The following ELL variants were observed in gnomAD, a reference collection of about 807,000 sequenced individuals.
ELL encodes the protein RNA polymerase II elongation factor ELL.
Under a neutral mutation model 64.0 loss-of-function variants are expected in ELL, and 18 were observed. That is an observed-to-expected ratio of 0.28 (90% CI 0.19 to 0.42). The LOEUF (loss-of-function observed/expected upper bound fraction) is 0.42, where lower values mean the gene tolerates loss of function less well. Among genes scored for constraint, ELL ranks in the 10% least tolerant of loss-of-function variants. The pLI, the probability that ELL is intolerant of heterozygous loss-of-function variation, is 1.00. For synonymous variants in ELL, 399 were observed against 376.2 expected, an observed-to-expected ratio of 1.06 and a Z score of -0.70; for missense variants, 797 against 870.4, an observed-to-expected ratio of 0.92 and a Z score of 1.06.
At chr19:18,465,596 C>CTGGG in intron 3 of ELL, 21 bp from the exon 4 acceptor site, 1 of 1,567,568 alleles carries the variant, frequency 6.4e-7, no homozygotes, top group South Asian at 1.2e-5. Context: ...AGGCCAGGAG[C>CTGGG]TGGGGTCAGC....
intron 10 of ELL, 150 bp downstream of exon 10, chr19:18,446,159 T>C: frequency 1.0e-6 from 1 of 995,688 alleles, no homozygotes; most frequent in South Asian, 1.7e-5. Flanking sequence ...AACCATGGGG[T>C]TGCTGCATGG....
chr19:18,517,451 A>G lies in ELL; in HGVS notation c.135+4470T>C, dbSNP rs191642258. On this transcript the variant is annotated intron_variant, in intron 1 of 11. Coordinates refer to ENST00000262809, the MANE Select transcript of ELL (RefSeq NM_006532.4). ...TTTTTAGTAGAGACAGGTTTTCACC[A>G]TATTGTCCAGGCTGGTCTCAAACTC... Among the ~76,000 whole-genome samples, 34 of 152,102 alleles carry G rather than the reference A, an allele frequency of 2.2e-4. No individual in the cohort carries two copies. In the East Asian group the frequency reaches 2.9e-3, roughly 13 times the overall value.
At chr19:18,479,871 G>T (rs1179279899) in intron 1 of ELL, among the ~76,000 whole-genome samples, 1 of 152,064 alleles carries the variant, frequency 6.6e-6, no homozygotes, top group Non-Finnish European at 1.5e-5. Flanking sequence ...GGACAATGAG[G>T]CCCAAGGCAG....
chr19:18,475,500 C>T (rs1311181182), intron 1 of ELL, among the ~76,000 whole-genome samples: 2 of 152,266 alleles, frequency 1.3e-5, no homozygotes, highest in East Asian at 1.9e-4. Context: ...CCCGGGTATA[C>T]ACCCACAAAA....
chr19:18,513,727 G>A (rs999359459), intron 1 of ELL, among the ~76,000 whole-genome samples: 10 of 151,796 alleles, frequency 6.6e-5, no homozygotes, highest in African/African-American at 2.4e-4. Flanking sequence ...GTCAGGAGAT[G>A]GAGACCATCC....
In ELL at chr19:18,444,062, G is replaced by GC. The variant is rs1974354771; in HGVS notation, c.*689dup. On this transcript the variant is annotated 3_prime_UTR_variant, in exon 12 of 12. Coordinates refer to ENST00000262809, the MANE Select transcript of ELL (RefSeq NM_006532.4). ...GGCCTGGGGGCGCTGAAAGCCCTCT[G>GC]CCCCCTTGGCTCTGAGCAGCTGTCT... The GC allele has an allele frequency of 4.3e-6, 1 of 231,564 alleles. No individual in the cohort carries two copies. Among genetic ancestry groups the GC allele is most frequent in the Non-Finnish European group, 8.5e-6 (1 of 117,086 alleles). The allele number at this position is 231,564 out of a possible 1,614,324, so 14.3% of individuals were successfully genotyped here.
intron 1 of ELL, among the ~76,000 whole-genome samples, chr19:18,513,812 TC>T (rs1318217510): frequency 1.6e-4 from 25 of 151,978 alleles, no homozygotes; most frequent in African/African-American, 6.0e-4. Flanking sequence ...GCGCCTGTAG[TC>T]CCAGCTACGC....
intron 1 of ELL, among the ~76,000 whole-genome samples, chr19:18,487,541 G>C (rs533591078): frequency 1.3e-5 from 2 of 152,330 alleles, no homozygotes; most frequent in South Asian, 4.1e-4. Flanking sequence ...TTTAACTTTA[G>C]AGACAGAACC....
intron 1 of ELL, among the ~76,000 whole-genome samples, chr19:18,484,153 G>A (rs547076236): frequency 6.6e-6 from 1 of 152,360 alleles, no homozygotes; most frequent in African/African-American, 2.4e-5. Context: ...AAGTGCCAGT[G>A]TGATGGGCAC....
intron 4 of ELL, among the ~76,000 whole-genome samples, chr19:18,463,122 A>C (rs1420791373): frequency 1.3e-5 from 2 of 152,108 alleles, no homozygotes; most frequent in Non-Finnish European, 2.9e-5. Flanking sequence ...CTCTGATCTT[A>C]TCTCTCAAAA....
intron 1 of ELL, among the ~76,000 whole-genome samples, chr19:18,511,064 G>A (rs759677568): frequency 3.3e-5 from 5 of 151,786 alleles, no homozygotes; most frequent in Non-Finnish European, 5.9e-5. Context: ...TCAGGAGATC[G>A]AGACCATCCT....
Position 18,522,021 on chromosome 19 carries a change from A to C in ELL, c.35T>G (p.Leu12Arg), listed in dbSNP as rs1976293909. Residue 12 changes from leucine (L) to arginine (R), a missense_variant, in exon 1 of 12, where the codon CTG (leucine) becomes CGG (arginine). Physicochemically the swap from Leu to Arg is moderately radical, Grantham distance 102. Transcript: ENST00000262809. Reference protein sequence around the residue: ...AALKEDRSYGLSCGRVSDGSK... With the variant: ...AALKEDRSYGRSCGRVSDGSK... ...GCCGTCGCTAACCCGCCCGCACGAC[A>C]GCCCGTAGCTCCTATCCTCCTTCAG... is the stretch of plus-strand genomic sequence containing the variant. The C allele has an allele frequency of 1.2e-6, 2 of 1,610,450 alleles. No individual in the cohort carries two copies. The highest frequency in any genetic ancestry group is 1.7e-6 in the Non-Finnish European group (2 of 1,178,410).
At chr19:18,504,226 G>A (rs1290812476) in intron 1 of ELL, among the ~76,000 whole-genome samples, 1 of 152,206 alleles carries the variant, frequency 6.6e-6, no homozygotes, top group Non-Finnish European at 1.5e-5. Flanking sequence ...GAGGAGGAGG[G>A]GAGGTGGGCA....
chr19:18,471,394 G>GCA, intron 2 of ELL: 1 of 444,444 alleles, frequency 2.3e-6, no homozygotes, highest in Non-Finnish European at 4.5e-6. Flanking sequence ...ACAAGGCTGG[G>GCA]CGTGGTGGCT....
chr19:18,514,447 G>A (rs1976089345), intron 1 of ELL, among the ~76,000 whole-genome samples: 1 of 144,600 alleles, frequency 6.9e-6, no homozygotes, highest in Non-Finnish European at 1.5e-5. Flanking sequence ...CTGGGAGGCA[G>A]AGTTTGCAGT....
intron 6 of ELL, among the ~76,000 whole-genome samples, chr19:18,457,334 C>G (rs767018236): frequency 5.9e-5 from 9 of 152,200 alleles, no homozygotes; most frequent in Non-Finnish European, 1.2e-4. Context: ...GGAGAGGACA[C>G]AGGGTATGAG....
intron 9 of ELL, 81 bp downstream of exon 9, chr19:18,446,667 C>A: frequency 6.4e-7 from 1 of 1,567,074 alleles, no homozygotes; most frequent in Non-Finnish European, 8.7e-7. Flanking sequence ...GCTTCTACCT[C>A]TGATAACCTG....
At chr19:18,508,991 GC>G in intron 1 of ELL, among the ~76,000 whole-genome samples, 1 of 152,182 alleles carries the variant, frequency 6.6e-6, no homozygotes, top group Non-Finnish European at 1.5e-5. Context: ...CCTGGGCAGA[GC>G]CTATAGGCCT....
intron 8 of ELL, among the ~76,000 whole-genome samples, chr19:18,450,087 TC>T (rs1196890543): frequency 6.6e-6 from 1 of 152,216 alleles, no homozygotes. Flanking sequence ...CCCACTGTCT[TC>T]CCTGAACCCC....
Sources: allele counts gnomAD v4.1 joint callset (sites outside exome capture counted in the v4.1 genomes callset), GRCh38; gene constraint gnomAD v4.1.1; transcripts MANE v1.5; gene names NCBI Gene and HGNC (gene_info 2026-07-23, HGNC 2026-07-21).